The following MGMT variants were observed in gnomAD, a reference collection of about 807,000 sequenced individuals.
The protein encoded by MGMT is methylated-DNA--protein-cysteine methyltransferase.
MGMT carries 14 observed loss-of-function variants against 15.9 expected under a neutral mutation model. The observed-to-expected ratio is 0.88, with a 90% confidence interval of 0.58 to 1.37. The LOEUF is 1.37. Ranked by LOEUF, MGMT falls within the 40% of genes most tolerant of loss-of-function variation. MGMT has a pLI of 0.00. For missense variants in MGMT, 282 were observed against 268.1 expected (o/e 1.05, Z -0.36); for synonymous variants, 130 against 118.2 (o/e 1.10, Z -0.65).
intron 2 of MGMT, among the ~76,000 whole-genome samples, chr10:129,594,176 A>G (rs1029801588): frequency 5.3e-5 from 8 of 152,198 alleles, no homozygotes; most frequent in Admixed American, 3.3e-4. Context: ...GGCTAGAAAC[A>G]GCCATTCATT....
At chr10:129,766,757 G>C in intron 4 of MGMT, 31 bp from the exon 5 acceptor site, 1 of 1,595,720 alleles carries the variant, frequency 6.3e-7, no homozygotes. Context: ...CCAGATCCCT[G>C]ACTGACAGTG....
chr10:129,624,851 C>G (rs974844946), intron 2 of MGMT, among the ~76,000 whole-genome samples: 1 of 152,010 alleles, frequency 6.6e-6, no homozygotes, highest in South Asian at 2.1e-4. Flanking sequence ...AGGGCAGGCA[C>G]CCACATGAAG....
At chr10:129,482,177 A>G (rs1265324015) in intron 1 of MGMT, among the ~76,000 whole-genome samples, 1 of 152,182 alleles carries the variant, frequency 6.6e-6, no homozygotes, top group African/African-American at 2.4e-5. Flanking sequence ...TTATTAGTAC[A>G]TCATTTAATT....
intron 2 of MGMT, among the ~76,000 whole-genome samples, chr10:129,569,148 G>A (rs114002371): frequency 2.0e-5 from 3 of 152,182 alleles, no homozygotes; most frequent in East Asian, 1.9e-4. Flanking sequence ...TGTTGAACTC[G>A]TGAGCTGTGA....
intron 2 of MGMT, among the ~76,000 whole-genome samples, chr10:129,570,679 G>T (rs767973895): frequency 6.6e-6 from 1 of 152,102 alleles, no homozygotes; most frequent in Non-Finnish European, 1.5e-5. Flanking sequence ...CATTTTTTAT[G>T]ATTTGTTTAA....
chr10:129,653,497 C>T (rs1847486334), intron 2 of MGMT, among the ~76,000 whole-genome samples: 1 of 152,202 alleles, frequency 6.6e-6, no homozygotes, highest in African/African-American at 2.4e-5. Flanking sequence ...CACTGAGTGG[C>T]CCCCAGGCCG....
chr10:129,483,540 A>G (rs929304716), intron 1 of MGMT, among the ~76,000 whole-genome samples: 1 of 151,936 alleles, frequency 6.6e-6, no homozygotes, highest in African/African-American at 2.4e-5. Context: ...TTCTAGGTTG[A>G]CCTGTTTTTT....
intron 2 of MGMT, among the ~76,000 whole-genome samples, chr10:129,572,125 G>C (rs978633644): frequency 6.6e-6 from 1 of 152,000 alleles, no homozygotes; most frequent in African/African-American, 2.4e-5. Flanking sequence ...TTGCTTTAAA[G>C]AAAAAAATGG....
chr10:129,617,774 C>A (rs1484555450), intron 2 of MGMT, among the ~76,000 whole-genome samples: 1 of 151,672 alleles, frequency 6.6e-6, no homozygotes, highest in Admixed American at 6.6e-5. Context: ...TTTTTTTTTA[C>A]AGAGTTGATT....
chr10:129,534,149 G>A (rs1845961232), intron 1 of MGMT, among the ~76,000 whole-genome samples: 1 of 152,210 alleles, frequency 6.6e-6, no homozygotes, highest in Admixed American at 6.5e-5. Flanking sequence ...TTTTCTCACA[G>A]CAAAGGGACA....
intron 2 of MGMT, chr10:129,563,850 C>G (rs1233846750): frequency 6.6e-6 from 1 of 152,266 alleles, no homozygotes; most frequent in Non-Finnish European, 1.5e-5. Flanking sequence ...ATCGGGAACG[C>G]ACTGCGTTAA....
At chr10:129,650,744 C>A (rs562390943) in intron 2 of MGMT, among the ~76,000 whole-genome samples, 2 of 152,128 alleles carry the variant, frequency 1.3e-5, no homozygotes, top group South Asian at 4.2e-4. Context: ...TTACCCTTCT[C>A]GGTCACACAC....
intron 2 of MGMT, among the ~76,000 whole-genome samples, chr10:129,593,745 G>GC (rs925925796): frequency 6.6e-6 from 1 of 152,214 alleles, no homozygotes; most frequent in African/African-American, 2.4e-5. Context: ...CCAGGGCTGT[G>GC]CTTCCAAAGA....
chr10:129,666,001 A>C (rs1247049604), intron 2 of MGMT, among the ~76,000 whole-genome samples: 3 of 152,170 alleles, frequency 2.0e-5, no homozygotes, highest in Admixed American at 1.3e-4. Flanking sequence ...ACCTAAGAGA[A>C]TATTCTTAGG....
At chr10:129,742,805 T>C (rs1366469401) in intron 3 of MGMT, among the ~76,000 whole-genome samples, 1 of 150,424 alleles carries the variant, frequency 6.6e-6, no homozygotes, top group Non-Finnish European at 1.5e-5. Context: ...CAACGGCCCA[T>C]GCTCAGAGCC....
chr10:129,564,170 CCCCTCCCT>C, intron 2 of MGMT: 1 of 129,910 alleles, frequency 7.7e-6, no homozygotes, highest in East Asian at 2.6e-4. Context: ...CCTCCCCCTC[CCCCTCCCT>C]TCTTCTTCCA....
At chr10:129,551,393 A>C (rs1846154924) in intron 2 of MGMT, among the ~76,000 whole-genome samples, 1 of 152,218 alleles carries the variant, frequency 6.6e-6, no homozygotes, top group African/African-American at 2.4e-5. Context: ...CAGGCAGGAA[A>C]GACAGAAGGC....
chr10:129,524,800 C>G (rs1845851306), intron 1 of MGMT, among the ~76,000 whole-genome samples: 1 of 151,854 alleles, frequency 6.6e-6, no homozygotes, highest in Non-Finnish European at 1.5e-5. Flanking sequence ...CCGTGTTAGC[C>G]AGGATGGTCT....
chr10:129,706,280 T>C (rs1165274070), intron 2 of MGMT, among the ~76,000 whole-genome samples: 2 of 152,202 alleles, frequency 1.3e-5, no homozygotes, highest in Non-Finnish European at 2.9e-5. Flanking sequence ...GTGCATACCT[T>C]GTGTGGACAG....
Sources: gnomAD v4.1 joint callset for allele counts (sites outside exome capture counted in the v4.1 genomes callset) on GRCh38, gnomAD v4.1.1 for gene constraint, MANE v1.5 for transcripts, NCBI Gene and HGNC (gene_info 2026-07-23, HGNC 2026-07-21) for gene names.